The following FBXW11 variants were observed in gnomAD, a reference collection of about 807,000 sequenced individuals.
FBXW11 encodes F-box and WD repeat domain containing 11.
In FBXW11, 19 loss-of-function variants were observed where a neutral mutation model predicts 77.6. The ratio of observed to expected loss-of-function variants is 0.24; its 90% CI spans 0.17 to 0.36. FBXW11 has a LOEUF of 0.36. FBXW11 is among the 10% of genes least tolerant of loss of function. The pLI is 1.00. For missense variants in FBXW11, 334 were observed against 704.2 expected (o/e 0.47, Z 5.95); for synonymous variants, 235 against 249.4 (o/e 0.94, Z 0.54).
chr5:171,997,171 A>G, intron 1 of FBXW11: 1 of 781,026 alleles, frequency 1.3e-6, no homozygotes. Flanking sequence ...GAAAAAAGTT[A>G]TAACCCCTGA....
intron 2 of FBXW11, among the ~76,000 whole-genome samples, chr5:171,947,912 G>A (rs971742814): frequency 5.3e-5 from 8 of 151,846 alleles, no homozygotes; most frequent in African/African-American, 1.5e-4. Context: ...ATGAGACCCC[G>A]CCTAAAAAAA....
rs778327855 is a variant in FBXW11 at position 171,998,336 on chromosome 5, C to CTTTTTTTTTTTTTTTTTT, written c.45+8121_45+8122insAAAAAAAAAAAAAAAAAA. On this transcript the variant is annotated intron_variant, in intron 1 of 13. Transcript: ENST00000517395. Reference sequence around the variant, plus strand: ...ACAGCCCATGATATTTTTTTCTTGTCTTTTTTTTTTTTTTTTTAAGTAGAG... The same window carrying CTTTTTTTTTTTTTTTTTT: ...ACAGCCCATGATATTTTTTTCTTGTCTTTTTTTTTTTTTTTTTTTTTTTTTTTTTTTTTTTAAGTAGAG... 7.1e-4 allele frequency among the ~76,000 whole-genome samples: 81 copies of CTTTTTTTTTTTTTTTTTT among 114,808 alleles called. 4 individuals are homozygous for CTTTTTTTTTTTTTTTTTT. The highest frequency in any genetic ancestry group is 1.1e-3 in the African/African-American group (26 of 24,024). 75.3% of individuals were successfully genotyped at this position (114,808 alleles called of 152,430 possible).
Position 171,899,047 on chromosome 5 carries a change from G to A in FBXW11, c.671C>T (p.Ser224Leu). Residue 224 changes from serine (S) to leucine (L), a missense_variant, in exon 6 of 14, where the codon TCA becomes TTA. By Grantham distance (145) the Ser-to-Leu change is moderately radical. Transcript: ENST00000517395. ...KNRPTDGPPN[S>L]FYRSLYPKII... ...CTTTGGGTATAATGACCTATAAAAT[G>A]AATTTGGAGGGCCATCTGTGGGTCT... 1 of 1,609,286 alleles carries A rather than the reference G, an allele frequency of 6.2e-7. No individual in the cohort carries two copies. The highest frequency in any genetic ancestry group is 8.5e-7 in the Non-Finnish European group (1 of 1,178,246).
intron 1 of FBXW11, among the ~76,000 whole-genome samples, chr5:171,973,654 T>C (rs1327307208): frequency 1.3e-5 from 2 of 152,230 alleles, no homozygotes; most frequent in Admixed American, 1.3e-4. Flanking sequence ...GAAATCTGAA[T>C]AAATCTTGGA....
At chr5:171,915,526 T>C (rs185191729) in intron 2 of FBXW11, among the ~76,000 whole-genome samples, 268 of 152,138 alleles carry the variant, frequency 1.8e-3, no homozygotes, top group Non-Finnish European at 3.4e-3. Context: ...CAAAACTGGC[T>C]CTGATCAGGA....
At chr5:171,931,472 C>CA (rs200322720) in intron 2 of FBXW11, among the ~76,000 whole-genome samples, 14 of 151,454 alleles carry the variant, frequency 9.2e-5, no homozygotes, top group East Asian at 1.9e-4. Flanking sequence ...CATCTATATG[C>CA]AAAAAAAATG....
intron 1 of FBXW11, among the ~76,000 whole-genome samples, chr5:171,996,487 T>G (rs1488148689): frequency 6.6e-6 from 1 of 152,160 alleles, no homozygotes; most frequent in Non-Finnish European, 1.5e-5. Context: ...GGCAACATGG[T>G]GAGACCCTGT....
chr5:171,966,006 G>C (rs1001091357), intron 1 of FBXW11, among the ~76,000 whole-genome samples: 7 of 152,098 alleles, frequency 4.6e-5, no homozygotes, highest in African/African-American at 1.7e-4. Flanking sequence ...CATCAGCGTG[G>C]TAAGACATGC....
intron 1 of FBXW11, among the ~76,000 whole-genome samples, chr5:171,978,266 T>C (rs1047400557): frequency 6.6e-6 from 1 of 152,140 alleles, no homozygotes; most frequent in African/African-American, 2.4e-5. Flanking sequence ...GTGTCAAAGT[T>C]GGGGTTACTG....
intron 1 of FBXW11, chr5:171,996,900 T>C (rs1766087685): frequency 5.4e-6 from 7 of 1,285,336 alleles, no homozygotes; most frequent in East Asian, 1.1e-4. Context: ...CTGGAAAATA[T>C]TTTGTACTTC....
rs186206367 is a variant in FBXW11 at position 171,880,144 on chromosome 5, G to A, written c.853-2015C>T. Among the ~76,000 whole-genome samples the A allele has an allele frequency of 7.9e-5, 12 of 152,308 alleles. No individual in the cohort carries two copies. The East Asian group carries it at 2.3e-3, about 29-fold the overall frequency. On this transcript the variant is annotated intron_variant, in intron 7 of 13. Transcript: ENST00000517395. Reference sequence around the variant, plus strand: ...GGATCTATGTCTAGACTGTTTAAGGGTAAGGGAGGCAATATGGTGTCTAAT... The same window carrying A: ...GGATCTATGTCTAGACTGTTTAAGGATAAGGGAGGCAATATGGTGTCTAAT...
chr5:171,926,198 T>C (rs1033474141), intron 2 of FBXW11, among the ~76,000 whole-genome samples: 2 of 152,152 alleles, frequency 1.3e-5, no homozygotes, highest in Admixed American at 6.5e-5. Context: ...AGACCCCAGA[T>C]ATATATGCTG....
At position 171,910,722 on chromosome 5, in the gene FBXW11, A is replaced by G. The variant is rs996030009; in HGVS notation, c.286T>C (p.Leu96=). ...CACTGGTCAAAATATTTAATACACA[A>G]GTCTTTTTCTTTTTGATAGTTTCCT... The part of the protein sequence containing the change: ...SEGNYQKEKD[L]CIKYFDQWSE... Residue 96 remains leucine, a synonymous_variant, in exon 4 of 14, where the codon TTG becomes CTG. Coordinates refer to ENST00000517395, the MANE Select transcript of FBXW11 (RefSeq NM_001378974.1). The G allele has an allele frequency of 1.7e-5, 28 of 1,613,760 alleles. No homozygotes were observed. The highest frequency in any genetic ancestry group is 4.0e-5 in the African/African-American group (3 of 74,888).
At chr5:171,915,817 C>G (rs1327236867) in intron 2 of FBXW11, among the ~76,000 whole-genome samples, 1 of 152,024 alleles carries the variant, frequency 6.6e-6, no homozygotes, top group Non-Finnish European at 1.5e-5. Context: ...TTATTCACAA[C>G]AGCAAAGACT....
intron 1 of FBXW11, among the ~76,000 whole-genome samples, chr5:171,970,478 T>G (rs1014668554): frequency 1.3e-5 from 2 of 152,246 alleles, no homozygotes; most frequent in South Asian, 4.1e-4. Flanking sequence ...TAGCTCTTTA[T>G]GCAGTATGAG....
At chr5:172,002,900 T>G (rs1766503420) in intron 1 of FBXW11, among the ~76,000 whole-genome samples, 1 of 151,554 alleles carries the variant, frequency 6.6e-6, no homozygotes. Context: ...GGTTTTGTTA[T>G]GTTGCCTAGG....
chr5:171,976,884 T>C (rs1267230686), intron 1 of FBXW11, among the ~76,000 whole-genome samples: 1 of 151,756 alleles, frequency 6.6e-6, no homozygotes, highest in African/African-American at 2.4e-5. Context: ...CCATCTCTAC[T>C]AAAAACACAA....
intron 1 of FBXW11, among the ~76,000 whole-genome samples, chr5:171,983,327 C>G (rs550819697): frequency 6.6e-6 from 1 of 152,290 alleles, no homozygotes; most frequent in African/African-American, 2.4e-5. Context: ...CATCTATATC[C>G]TTTGTAATAA....
chr5:171,898,973 A>C, intron 6 of FBXW11, 31 bp downstream of exon 6: 1 of 1,359,460 alleles, frequency 7.4e-7, no homozygotes, highest in African/African-American at 1.5e-5. Context: ...AGAAACAAAG[A>C]GCCCATAAAA....
Sources: allele counts gnomAD v4.1 joint callset (sites outside exome capture counted in the v4.1 genomes callset), GRCh38; gene constraint gnomAD v4.1.1; transcripts MANE v1.5; gene names NCBI Gene and HGNC (gene_info 2026-07-23, HGNC 2026-07-21).